SH3GL2: variants seen among roughly 807,000 people sequenced by gnomAD.
SH3GL2 encodes SH3 domain containing GRB2 like 2, endophilin A1, also known as endophilin-A1.
Under a neutral mutation model 46.0 loss-of-function variants are expected in SH3GL2, and 24 were observed. The ratio of observed to expected loss-of-function variants is 0.52; its 90% CI spans 0.38 to 0.73. The LOEUF is 0.73. Among genes scored for constraint, SH3GL2 ranks in the 30% least tolerant of loss-of-function variants. The pLI is 0.00. For missense variants in SH3GL2, 413 were observed against 424.2 expected (o/e 0.97, Z 0.23); for synonymous variants, 196 against 147.1 (o/e 1.33, Z -2.40).
chr9:17,625,761 G>T (rs115478367), intron 1 of SH3GL2, among the ~76,000 whole-genome samples: 2,324 of 152,280 alleles, frequency 0.015, 69 homozygotes, highest in African/African-American at 0.053. Context: ...AGGGTAGGAG[G>T]TGGGGTAGAT....
intron 1 of SH3GL2, among the ~76,000 whole-genome samples, chr9:17,715,868 C>T (rs1035196558): frequency 6.6e-6 from 1 of 152,056 alleles, no homozygotes; most frequent in Non-Finnish European, 1.5e-5. Flanking sequence ...GCAAGTTCAT[C>T]TAACACAAAG....
chr9:17,646,353 C>T (rs1819817376), intron 1 of SH3GL2, among the ~76,000 whole-genome samples: 1 of 151,944 alleles, frequency 6.6e-6, no homozygotes, highest in African/African-American at 2.4e-5. Context: ...TGTTATAACC[C>T]ACCTTCTGAA....
chr9:17,688,913 C>T (rs142465578), intron 1 of SH3GL2, among the ~76,000 whole-genome samples: 166 of 152,166 alleles, frequency 1.1e-3, no homozygotes, highest in African/African-American at 3.7e-3. Flanking sequence ...TTCTAGCATA[C>T]CTGCCCACTC....
chr9:17,776,885 G>C (rs1823655481), intron 3 of SH3GL2, among the ~76,000 whole-genome samples: 1 of 152,120 alleles, frequency 6.6e-6, no homozygotes, highest in Non-Finnish European at 1.5e-5. Flanking sequence ...TGACATCACT[G>C]AACTGTGACT....
At chr9:17,761,963 G>T (rs762959178) in intron 3 of SH3GL2, among the ~76,000 whole-genome samples, 1 of 152,130 alleles carries the variant, frequency 6.6e-6, no homozygotes, top group Non-Finnish European at 1.5e-5. Flanking sequence ...TCAGAGCGTT[G>T]ATCTTGATTC....
chr9:17,733,422 C>T (rs1336103924), intron 1 of SH3GL2, among the ~76,000 whole-genome samples: 1 of 151,846 alleles, frequency 6.6e-6, no homozygotes, highest in Non-Finnish European at 1.5e-5. Context: ...GCTATCCCTA[C>T]CCATCTCACA....
intron 1 of SH3GL2, among the ~76,000 whole-genome samples, chr9:17,623,259 A>T (rs1169101980): frequency 6.6e-6 from 1 of 151,928 alleles, no homozygotes; most frequent in Non-Finnish European, 1.5e-5. Flanking sequence ...ATACGTCTGA[A>T]TGTTGCCAGG....
intron 1 of SH3GL2, among the ~76,000 whole-genome samples, chr9:17,746,699 A>G (rs1016802523): frequency 2.6e-5 from 4 of 152,198 alleles, no homozygotes; most frequent in African/African-American, 9.7e-5. Flanking sequence ...CATAGGTAGC[A>G]TTTGAGATCC....
At chr9:17,785,388 C>G (rs1018926338) in intron 3 of SH3GL2, among the ~76,000 whole-genome samples, 2 of 152,190 alleles carry the variant, frequency 1.3e-5, no homozygotes, top group East Asian at 1.9e-4. Context: ...GCAGGATGTG[C>G]TCTCCTGATA....
At chr9:17,649,596 G>A (rs61604118) in intron 1 of SH3GL2, among the ~76,000 whole-genome samples, 2,925 of 152,250 alleles carry the variant, frequency 0.019, 43 homozygotes, top group African/African-American at 0.04. Context: ...GGAAAAAATA[G>A]TTTACTATGT....
chr9:17,579,447 TC>T lies in SH3GL2; in HGVS notation c.45+164del, dbSNP rs3832603. Among the ~76,000 whole-genome samples the T allele has an allele frequency of 3.3e-5, 5 of 151,808 alleles. No homozygotes were observed. In the East Asian group the frequency reaches 7.8e-4, roughly 24 times the overall value. On this transcript the variant is annotated intron_variant, in intron 1 of 8. Transcript: ENST00000380607. ...CAAGCCAAGGCGGCGGCTCGGGGCA[TC>T]CCCGGTCTGGGCGTCCACCCTCGGT...
chr9:17,654,376 G>A (rs183419849), intron 1 of SH3GL2, among the ~76,000 whole-genome samples: 382 of 152,226 alleles, frequency 2.5e-3, no homozygotes, highest in African/African-American at 8.8e-3. Context: ...TTGTCGTATT[G>A]TTTTGTGTGT....
intron 1 of SH3GL2, among the ~76,000 whole-genome samples, chr9:17,679,087 T>C (rs1184109595): frequency 1.3e-5 from 2 of 152,196 alleles, no homozygotes; most frequent in East Asian, 3.8e-4. Context: ...CTTTGTTCTT[T>C]TGGCTTAGGA....
Position 17,591,890 on chromosome 9 carries a change from G to A in SH3GL2, c.45+12603G>A, listed in dbSNP as rs143820276. Among the ~76,000 whole-genome samples, 462 of 152,252 alleles carry A rather than the reference G, an allele frequency of 3.0e-3. 3 individuals are homozygous for A. Among genetic ancestry groups the A allele is most frequent in the African/African-American group, 0.01 (426 of 41,552 alleles). On this transcript the variant is annotated intron_variant, in intron 1 of 8. Transcript: ENST00000380607. Reference sequence around the variant, plus strand: ...AGAATAATTTGATTGTTTCCTAAGCGTATCATTCAGTTGTATCTTCATGAC... The same window carrying A: ...AGAATAATTTGATTGTTTCCTAAGCATATCATTCAGTTGTATCTTCATGAC...
intron 1 of SH3GL2, among the ~76,000 whole-genome samples, chr9:17,743,536 C>A (rs1396786284): frequency 6.7e-6 from 1 of 149,754 alleles, no homozygotes; most frequent in Admixed American, 6.7e-5. Context: ...CCTCCTTCTT[C>A]CTTTCCCTCT....
chr9:17,740,139 T>C (rs1813920161), intron 1 of SH3GL2, among the ~76,000 whole-genome samples: 1 of 152,148 alleles, frequency 6.6e-6, no homozygotes, highest in Admixed American at 6.6e-5. Flanking sequence ...TTTTTGATAG[T>C]GAGAAATAAA....
intron 1 of SH3GL2, among the ~76,000 whole-genome samples, chr9:17,687,250 C>G (rs1484236762): frequency 6.6e-6 from 1 of 151,938 alleles, no homozygotes; most frequent in East Asian, 1.9e-4. Flanking sequence ...TAAGCAGTTA[C>G]GTTTTCATTG....
At chr9:17,792,138 G>A (rs9406734) in intron 7 of SH3GL2, among the ~76,000 whole-genome samples, 51,077 of 152,082 alleles carry the variant, frequency 0.34, 9,853 homozygotes, top group African/African-American at 0.53. Context: ...GGCTGCCTGC[G>A]TGAAGAAGAC....
intron 1 of SH3GL2, among the ~76,000 whole-genome samples, chr9:17,658,658 C>T (rs1820145925): frequency 6.6e-6 from 1 of 152,198 alleles, no homozygotes; most frequent in Non-Finnish European, 1.5e-5. Flanking sequence ...GCTGCATTTG[C>T]ATAGCAGGCT....
Sources: allele counts gnomAD v4.1 joint callset (sites outside exome capture counted in the v4.1 genomes callset), GRCh38; gene constraint gnomAD v4.1.1; transcripts MANE v1.5; gene names NCBI Gene and HGNC (gene_info 2026-07-23, HGNC 2026-07-21).